Variants in MAF observed in about 807,000 individuals in gnomAD.
MAF encodes the protein transcription factor Maf.
MAF carries 10 observed loss-of-function variants against 22.0 expected under a neutral mutation model. That is an observed-to-expected ratio of 0.45 (90% CI 0.28 to 0.77). The LOEUF is 0.77. Ranked by LOEUF, MAF falls within the 30% of genes least tolerant of loss-of-function variation. The probability of loss-of-function intolerance (pLI) is 0.12; values close to 1 mark genes in which losing one functional copy is unlikely to be tolerated. For missense variants in MAF, 544 were observed against 548.4 expected (o/e 0.99, Z 0.08); for synonymous variants, 337 against 255.8 (o/e 1.32, Z -3.03).
the MAF span, among the ~76,000 whole-genome samples, chr16:79,274,333 G>A: frequency 0.018 from 2,731 of 151,288 alleles, 86 homozygotes; most frequent in African/African-American, 0.062. Flanking sequence ...CCATAAACCC[G>A]TGCTCACTCA....
chr16:79,413,393 G>A, the MAF span, among the ~76,000 whole-genome samples: 2 of 135,572 alleles, frequency 1.5e-5, no homozygotes, highest in African/African-American at 5.3e-5. Flanking sequence ...ACAGGCGCCT[G>A]CCACCTCGCC....
rs377735141 is a variant in MAF, at chr16:79,594,513, C to T, written c.1159G>A (p.Ala387Thr). Residue 387 changes from alanine (A) to threonine (T), a missense_variant, in exon 2 of 2, where the codon GCC (alanine) becomes ACC (threonine). Physicochemically the swap from Ala to Thr is moderately conservative, Grantham distance 58. Around this residue, in one of 5 missense-constraint regions of MAF, gnomAD observed 129 missense variants for 113.6 expected, o/e 1.14. Transcript: ENST00000326043. ...CGATGCTGGGGCTTCCAAAATGTGG[C>T]GTATCCCACTGATGGCTCCAACTTG... ...TRKLEPSVGY[A>T]TFWKPQHRVL... 1.0e-4 allele frequency: 164 copies of T among 1,566,636 alleles called. No homozygotes were observed. Among genetic ancestry groups the T allele is most frequent in the Non-Finnish European group, 1.2e-4 (142 of 1,153,118 alleles).
chr16:79,339,000 G>A, the MAF span, among the ~76,000 whole-genome samples: 5 of 152,030 alleles, frequency 3.3e-5, no homozygotes, highest in Admixed American at 2.0e-4. Context: ...ATCCAAGGAA[G>A]GTGAATGTAA....
the MAF span, among the ~76,000 whole-genome samples, chr16:79,343,937 G>C: frequency 1.3e-5 from 2 of 152,198 alleles, no homozygotes; most frequent in Non-Finnish European, 2.9e-5. Context: ...TCAATGTGAT[G>C]TTTGCATTTA....
At chr16:79,562,498 TA>T in the MAF span, among the ~76,000 whole-genome samples, 1 of 152,262 alleles carries the variant, frequency 6.6e-6, no homozygotes, top group East Asian at 1.9e-4. Flanking sequence ...TTTGTAGGCT[TA>T]AAGGCCCATT....
the MAF span, among the ~76,000 whole-genome samples, chr16:79,352,030 C>A: frequency 8.5e-5 from 13 of 152,234 alleles, no homozygotes; most frequent in Non-Finnish European, 1.8e-4. Context: ...CTGGTTCTTG[C>A]CTCTGGATCT....
At chr16:79,596,184 A>C in intron 1 of MAF, 15 of 1,062,318 alleles carry the variant, frequency 1.4e-5, no homozygotes, top group Non-Finnish European at 1.7e-5. Flanking sequence ...CAGGAAGCCT[A>C]GTTCCACTGT....
downstream of MAF, among the ~76,000 whole-genome samples, chr16:79,589,848 C>T (rs1462654771): frequency 2.0e-5 from 3 of 152,220 alleles, no homozygotes; most frequent in Non-Finnish European, 4.4e-5. Flanking sequence ...GTGTGGCCGT[C>T]ATTAGCGCCC....
At chr16:79,502,071 G>C in the MAF span, among the ~76,000 whole-genome samples, 4 of 152,040 alleles carry the variant, frequency 2.6e-5, no homozygotes, top group Admixed American at 2.6e-4. Flanking sequence ...TTTCACCACC[G>C]CTGCAATTTT....
At chr16:79,203,207 C>T in the MAF span, 1 of 152,178 alleles carries the variant, frequency 6.6e-6, no homozygotes, top group African/African-American at 2.4e-5. Context: ...AAGCTATCAC[C>T]ATTAATTATG....
the MAF span, among the ~76,000 whole-genome samples, chr16:79,262,656 C>G: frequency 1.3e-5 from 2 of 152,138 alleles, no homozygotes; most frequent in Admixed American, 6.6e-5. Flanking sequence ...CTGCTGGGCC[C>G]TTACAGTCTT....
chr16:79,418,584 G>C, the MAF span, among the ~76,000 whole-genome samples: 1 of 152,168 alleles, frequency 6.6e-6, no homozygotes, highest in Non-Finnish European at 1.5e-5. Context: ...GATGGGGAAG[G>C]GCGGGAGGCG....
the MAF span, among the ~76,000 whole-genome samples, chr16:79,523,222 T>A: frequency 6.6e-6 from 1 of 152,232 alleles, no homozygotes; most frequent in African/African-American, 2.4e-5. Flanking sequence ...ACTCATCTTC[T>A]AGCCATGATT....
chr16:79,209,939 G>C, the MAF span, among the ~76,000 whole-genome samples: 5 of 152,214 alleles, frequency 3.3e-5, no homozygotes, highest in African/African-American at 1.2e-4. Flanking sequence ...AATGGGAAAA[G>C]AAACAGCTGA....
At chr16:79,413,846 C>T in the MAF span, among the ~76,000 whole-genome samples, 12 of 152,188 alleles carry the variant, frequency 7.9e-5, 1 homozygote, top group African/African-American at 2.9e-4. Context: ...ATTATGATAA[C>T]ACATCGTTCA....
chr16:79,231,791 G>A, the MAF span, among the ~76,000 whole-genome samples: 3 of 152,064 alleles, frequency 2.0e-5, no homozygotes, highest in East Asian at 3.9e-4. Flanking sequence ...TTACATTTAC[G>A]GTGAACTGTA....
the MAF span, among the ~76,000 whole-genome samples, chr16:79,267,584 G>C: frequency 1.3e-5 from 2 of 152,148 alleles, no homozygotes; most frequent in African/African-American, 4.8e-5. Context: ...AGCTGGTGGC[G>C]GACAGTGCAG....
At chr16:79,310,361 GAGAGAGATAGAGACAGAGAGTA>G in the MAF span, among the ~76,000 whole-genome samples, 2 of 152,076 alleles carry the variant, frequency 1.3e-5, no homozygotes. Context: ...TTTCGGACGA[GAGAGAGATAGAGACAGAGAGTA>G]AGAGAGAGAG....
downstream of MAF, among the ~76,000 whole-genome samples, chr16:79,584,687 C>T (rs889950529): frequency 1.1e-4 from 16 of 152,122 alleles, no homozygotes; most frequent in African/African-American, 3.6e-4. Flanking sequence ...AATAAAGCAT[C>T]GGAACTGCAT....
Sources: gnomAD v4.1 joint callset for allele counts (sites outside exome capture counted in the v4.1 genomes callset) on GRCh38, gnomAD v4.1.1 for gene constraint, gnomAD v4.1.1 regional missense constraint, MANE v1.5 for transcripts, NCBI Gene and HGNC (gene_info 2026-07-23, HGNC 2026-07-21) for gene names.